Variants in NPSR1 observed in about 807,000 individuals in gnomAD.
NPSR1 encodes the protein neuropeptide S receptor.
NPSR1 carries 48 observed loss-of-function variants against 46.9 expected under a neutral mutation model. The observed-to-expected ratio is 1.02, with a 90% CI of 0.81 to 1.30. NPSR1 has a LOEUF of 1.30. NPSR1 is among the 50% of genes most tolerant of loss of function. The pLI, the probability that NPSR1 is intolerant of heterozygous loss-of-function variation, is 0.00. For missense variants in NPSR1, 450 were observed against 449.5 expected, an observed-to-expected ratio of 1.00 and a Z score of -0.01; for synonymous variants, 176 against 168.1, an observed-to-expected ratio of 1.05 and a Z score of -0.36.
chr7:34,873,506 G>A (rs1791504210), intron 8 of NPSR1, among the ~76,000 whole-genome samples: 2 of 151,748 alleles, frequency 1.3e-5, no homozygotes, highest in Admixed American at 6.5e-5. Context: ...CTCTGGGGAG[G>A]CCTCAGGGAG....
At chr7:34,805,195 G>T (rs992191585) in intron 3 of NPSR1, among the ~76,000 whole-genome samples, 1 of 151,588 alleles carries the variant, frequency 6.6e-6, no homozygotes, top group Non-Finnish European at 1.5e-5. Flanking sequence ...AAATCATATG[G>T]AAAGGCAAGA....
intron 1 of NPSR1, among the ~76,000 whole-genome samples, chr7:34,664,690 T>C (rs1017267271): frequency 2.6e-5 from 4 of 152,200 alleles, no homozygotes; most frequent in Admixed American, 6.5e-5. Context: ...TTTCTTACTT[T>C]GTCATCCTGA....
chr7:34,860,625 G>A (rs555256760), intron 8 of NPSR1, among the ~76,000 whole-genome samples: 2 of 151,848 alleles, frequency 1.3e-5, no homozygotes, highest in South Asian at 4.2e-4. Context: ...AATATATAAG[G>A]AAAATCAGTC....
intron 8 of NPSR1, among the ~76,000 whole-genome samples, chr7:34,873,916 T>C (rs897720570): frequency 6.6e-6 from 1 of 151,466 alleles, no homozygotes; most frequent in African/African-American, 2.4e-5. Context: ...CTCCCCTGAG[T>C]GCAGCAAAGG....
At chr7:34,756,521 C>A (rs146963970) in intron 2 of NPSR1, among the ~76,000 whole-genome samples, 47 of 152,304 alleles carry the variant, frequency 3.1e-4, no homozygotes, top group African/African-American at 1.1e-3. Flanking sequence ...CCTATGATCT[C>A]TGTGTCAACT....
chr7:34,717,782 G>T (rs1471697434), intron 2 of NPSR1, among the ~76,000 whole-genome samples: 3 of 152,198 alleles, frequency 2.0e-5, no homozygotes, highest in Middle Eastern at 3.2e-3. Context: ...TAGCTAATCA[G>T]TGTGCAAATT....
In NPSR1 at chr7:34,801,520, C is replaced by G. The variant is rs1379279179; in HGVS notation, c.385-10250C>G. Among the ~76,000 whole-genome samples the G allele has an allele frequency of 1.5e-4, 20 of 131,600 alleles. 1 individual carries two copies. The highest frequency in any genetic ancestry group is 2.6e-4 in the South Asian group (1 of 3,918). The allele number at this position is 131,600 out of a possible 152,430, so 86.3% of individuals were successfully genotyped here. ...AAGGCCTTTGACAAAATTCAACAAC[C>G]CTTCATGCTAAAAACACTCAATAAA... On this transcript the variant is annotated intron_variant, in intron 3 of 8. Coordinates refer to ENST00000360581, the MANE Select transcript of NPSR1 (RefSeq NM_207172.2).
intron 3 of NPSR1, chr7:34,779,757 C>T (rs771060767): frequency 3.2e-6 from 1 of 310,872 alleles, no homozygotes; most frequent in Non-Finnish European, 6.1e-6. Context: ...CTTTCAATTG[C>T]TTATTATATT....
chr7:34,714,354 T>C (rs1783455472), intron 2 of NPSR1, among the ~76,000 whole-genome samples: 2 of 152,202 alleles, frequency 1.3e-5, no homozygotes, highest in South Asian at 4.1e-4. Context: ...GCGAATAATA[T>C]GAAACTTGGC....
At chr7:34,842,084 C>A (rs1162997639) in intron 6 of NPSR1, among the ~76,000 whole-genome samples, 1 of 152,212 alleles carries the variant, frequency 6.6e-6, no homozygotes, top group Non-Finnish European at 1.5e-5. Context: ...AAACTGCATT[C>A]ATCTCAACTG....
At chr7:34,870,993 G>T (rs774524303) in intron 8 of NPSR1, among the ~76,000 whole-genome samples, 7 of 151,758 alleles carry the variant, frequency 4.6e-5, no homozygotes, top group African/African-American at 1.5e-4. Context: ...TCTGAAAGCA[G>T]AAGTTGTGAA....
chr7:34,798,094 T>C (rs914381568), intron 3 of NPSR1, among the ~76,000 whole-genome samples: 3 of 151,970 alleles, frequency 2.0e-5, no homozygotes, highest in Non-Finnish European at 4.4e-5. Flanking sequence ...GGAAGAGCAA[T>C]TGAGAAGGAA....
At chr7:34,660,163 T>C (rs1429434726) in intron 1 of NPSR1, 2 of 456,778 alleles carry the variant, frequency 4.4e-6, no homozygotes, top group Non-Finnish European at 8.8e-6. Flanking sequence ...ACAGCATCTC[T>C]AGCTGATTCC....
chr7:34,689,421 C>T (rs1583813897), intron 2 of NPSR1, among the ~76,000 whole-genome samples: 6 of 151,456 alleles, frequency 4.0e-5, no homozygotes, highest in South Asian at 4.2e-4. Flanking sequence ...CTGGCTAATA[C>T]GGTGATACCC....
intron 7 of NPSR1, among the ~76,000 whole-genome samples, chr7:34,848,176 T>C (rs1275613490): frequency 6.6e-6 from 1 of 152,234 alleles, no homozygotes; most frequent in East Asian, 1.9e-4. Context: ...GCTATGGCCA[T>C]AGTCACTTGT....
At chr7:34,753,759 T>G (rs575480085) in intron 2 of NPSR1, 19 of 151,998 alleles carry the variant, frequency 1.3e-4, no homozygotes, top group African/African-American at 4.6e-4. Flanking sequence ...CCGAGCACTT[T>G]GGGAGGCTGG....
At chr7:34,721,997 T>C (rs1227503623) in intron 2 of NPSR1, among the ~76,000 whole-genome samples, 1 of 152,018 alleles carries the variant, frequency 6.6e-6, no homozygotes, top group African/African-American at 2.4e-5. Context: ...GTATAAATCC[T>C]TAACTCAACC....
At chr7:34,809,662 A>G (rs541982536) in intron 3 of NPSR1, among the ~76,000 whole-genome samples, 123 of 151,866 alleles carry the variant, frequency 8.1e-4, no homozygotes, top group African/African-American at 2.9e-3. Flanking sequence ...ACGGGGTTTC[A>G]CCGTTTTAGC....
intron 3 of NPSR1, among the ~76,000 whole-genome samples, chr7:34,792,674 T>TGTATATATATATGTATATATATAC (rs1562733147): frequency 3.3e-5 from 4 of 120,644 alleles, no homozygotes; most frequent in Non-Finnish European, 6.8e-5. Context: ...TTTATATATA[T>TGTATATATATATGTATATATATAC]GTATATATAT....
Sources: gnomAD v4.1 joint callset for allele counts (sites outside exome capture counted in the v4.1 genomes callset) on GRCh38, gnomAD v4.1.1 for gene constraint, MANE v1.5 for transcripts, NCBI Gene and HGNC (gene_info 2026-07-23, HGNC 2026-07-21) for gene names.